Variants in SRL observed in about 807,000 individuals in gnomAD.
SRL encodes sarcalumenin.
Under a neutral mutation model 39.5 loss-of-function variants are expected in SRL, and 23 were observed. That is an observed-to-expected ratio of 0.58 (90% CI 0.42 to 0.82). The LOEUF is 0.82. SRL is among the 40% of genes least tolerant of loss of function. The probability of loss-of-function intolerance (pLI) is 0.00; values close to 1 mark genes in which losing one functional copy is unlikely to be tolerated. For synonymous variants in SRL, 272 were observed against 237.4 expected (o/e 1.15, Z -1.34); for missense variants, 592 against 607.8 (o/e 0.97, Z 0.27).
intron 4 of SRL, 35 bp from the exon 5 acceptor site, chr16:4,195,821 G>A (rs1185388720): frequency 1.3e-6 from 2 of 1,555,686 alleles, no homozygotes; most frequent in Admixed American, 1.8e-5. Flanking sequence ...AGGAATACAT[G>A]ATCTCTGTGA....
In SRL at chr16:4,192,143, G is replaced by T. The variant is rs1275500832; in HGVS notation, c.*10C>A. 8 of 1,533,772 alleles carry T rather than the reference G, an allele frequency of 5.2e-6. No homozygotes were observed. The highest frequency in any genetic ancestry group is 7.0e-6 in the Non-Finnish European group (8 of 1,144,470). On this transcript the variant is annotated 3_prime_UTR_variant, in exon 6 of 6. Coordinates refer to ENST00000399609, the MANE Select transcript of SRL (RefSeq NM_001098814.2). This position sits in a 1 kb window ranked among gnomAD's most constrained non-coding sequence, Gnocchi z 4.0. ...ATTCACCAACAGGAACCCAAGGACC[G>T]CTCCACCACCTAGTGCTTCCTGTAG... is the stretch of plus-strand genomic sequence containing the variant.
intron 1 of SRL, among the ~76,000 whole-genome samples, chr16:4,240,948 C>T (rs1374013728): frequency 1.3e-5 from 2 of 152,164 alleles, no homozygotes; most frequent in Non-Finnish European, 2.9e-5. Context: ...GGCTGGAGCC[C>T]CCCACCTTAC....
intron 5 of SRL, among the ~76,000 whole-genome samples, chr16:4,193,921 A>G (rs933465136): frequency 6.7e-6 from 1 of 149,886 alleles, no homozygotes; most frequent in African/African-American, 2.4e-5. Context: ...TCATTATACC[A>G]TAATAATATA....
chr16:4,220,649 C>T (rs905013636), intron 1 of SRL, among the ~76,000 whole-genome samples: 2 of 152,300 alleles, frequency 1.3e-5, no homozygotes, highest in South Asian at 2.1e-4. Context: ...GAGAAATCAT[C>T]ATTCAACCCA....
In SRL at chr16:4,192,768, G is replaced by A. The variant is rs374601375; in HGVS notation, c.807C>T (p.Tyr269=). The change falls in exon 6 of 6, where the codon TAC becomes TAT. Residue 269 remains tyrosine (Y), a synonymous_variant. Coordinates refer to ENST00000399609, the MANE Select transcript of SRL (RefSeq NM_001098814.2). This position sits in a 1 kb window ranked among gnomAD's most constrained non-coding sequence, Gnocchi z 4.0. ...NLATQMLMRV[Y]GALFWSLAPL... ...GGGCCAAGCTCCAGAAGAGGGCCCCGTAAACCCGCATGAGCATTTGGGTGG... is the reference window on the plus strand; with the variant it reads ...GGGCCAAGCTCCAGAAGAGGGCCCCATAAACCCGCATGAGCATTTGGGTGG... 59 of 1,614,038 alleles carry A rather than the reference G, an allele frequency of 3.7e-5. No homozygotes were observed. The highest frequency in any genetic ancestry group is 4.3e-5 in the Non-Finnish European group (51 of 1,180,050).
intron 1 of SRL, among the ~76,000 whole-genome samples, chr16:4,234,887 T>C (rs568174416): frequency 6.6e-6 from 1 of 152,328 alleles, no homozygotes; most frequent in South Asian, 2.1e-4. Flanking sequence ...TTTAGGAACT[T>C]TGGGTGAGAC....
Position 4,192,147 on chromosome 16 carries a change from C to A in SRL, c.*6G>T. 1 of 1,537,840 alleles carries A rather than the reference C, an allele frequency of 6.5e-7. No individual in the cohort carries two copies. Among genetic ancestry groups the A allele is most frequent in the South Asian group, 1.3e-5 (1 of 76,360 alleles). On this transcript the variant is annotated 3_prime_UTR_variant, in exon 6 of 6. Coordinates refer to ENST00000399609, the MANE Select transcript of SRL (RefSeq NM_001098814.2). This position sits in a 1 kb window ranked among gnomAD's most constrained non-coding sequence, Gnocchi z 4.0. ...ACCAACAGGAACCCAAGGACCGCTCCACCACCTAGTGCTTCCTGTAGCGAT... is the reference window on the plus strand; with the variant it reads ...ACCAACAGGAACCCAAGGACCGCTCAACCACCTAGTGCTTCCTGTAGCGAT...
intron 1 of SRL, among the ~76,000 whole-genome samples, chr16:4,217,223 A>G (rs1336073843): frequency 6.6e-6 from 1 of 151,924 alleles, no homozygotes; most frequent in Non-Finnish European, 1.5e-5. Context: ...ATGCACCTGG[A>G]AGTCAGGAAA....
intron 1 of SRL, among the ~76,000 whole-genome samples, chr16:4,219,311 G>C (rs1179518062): frequency 2.0e-5 from 3 of 152,220 alleles, no homozygotes; most frequent in Admixed American, 1.3e-4. Flanking sequence ...TCTAAGCTTT[G>C]GATGCTCACA....
rs550020202 is a variant in SRL at position 4,232,940 on chromosome 16, C to T, written c.61+9067G>A. ...GGGGGAGGCGGGGGCTCCCAAACCC[C>T]GGGACTCTCCCCTGAGCTCCCAGCA... is the stretch of plus-strand genomic sequence containing the variant. On this transcript the variant is annotated intron_variant, in intron 1 of 5. Coordinates refer to ENST00000399609, the MANE Select transcript of SRL (RefSeq NM_001098814.2). Among the ~76,000 whole-genome samples, 8 of 152,304 alleles carry T rather than the reference C, an allele frequency of 5.3e-5. No individual in the cohort carries two copies. The East Asian group carries it at 1.4e-3, about 26-fold the overall frequency.
chr16:4,226,534 G>C (rs562058457), intron 1 of SRL, among the ~76,000 whole-genome samples: 1 of 151,808 alleles, frequency 6.6e-6, no homozygotes, highest in Non-Finnish European at 1.5e-5. Context: ...TGGAGGGACA[G>C]ATGGATGGAC....
intron 1 of SRL, among the ~76,000 whole-genome samples, chr16:4,228,212 G>C (rs1474347410): frequency 8.3e-6 from 1 of 119,990 alleles, no homozygotes; most frequent in Non-Finnish European, 2.1e-5. Flanking sequence ...ACTGAGGCAG[G>C]TGGATCACGA....
chr16:4,223,231 C>CAAAAAAAA (rs34513855), intron 1 of SRL, among the ~76,000 whole-genome samples: 2 of 96,162 alleles, frequency 2.1e-5, no homozygotes, highest in Non-Finnish European at 2.2e-5. Flanking sequence ...AACTCTGTCT[C>CAAAAAAAA]AAAAAAAAAA....
At chr16:4,230,886 G>C (rs1344797627) in intron 1 of SRL, among the ~76,000 whole-genome samples, 1 of 152,160 alleles carries the variant, frequency 6.6e-6, no homozygotes, top group Non-Finnish European at 1.5e-5. Flanking sequence ...ACCACTCAAA[G>C]AATGCCAGGA....
intron 1 of SRL, among the ~76,000 whole-genome samples, chr16:4,237,342 C>G (rs2052724302): frequency 6.6e-6 from 1 of 152,116 alleles, no homozygotes; most frequent in African/African-American, 2.4e-5. Flanking sequence ...GTAAGGGCCC[C>G]CTCCCCTGGC....
intron 3 of SRL, among the ~76,000 whole-genome samples, chr16:4,198,659 G>A (rs879821734): frequency 2.0e-5 from 3 of 152,056 alleles, no homozygotes; most frequent in Non-Finnish European, 4.4e-5. Flanking sequence ...CGTTGCTCAG[G>A]CTGGTCTCAA....
intron 1 of SRL, among the ~76,000 whole-genome samples, chr16:4,223,412 C>T (rs1037506104): frequency 6.6e-6 from 1 of 151,864 alleles, no homozygotes; most frequent in African/African-American, 2.4e-5. Flanking sequence ...GAATCTTGCT[C>T]TGTCACTCCA....
At chr16:4,228,524 A>G (rs2052619957) in intron 1 of SRL, among the ~76,000 whole-genome samples, 2 of 152,098 alleles carry the variant, frequency 1.3e-5, no homozygotes, top group Non-Finnish European at 2.9e-5. Flanking sequence ...TCACTAGGTC[A>G]GGAGATCGAG....
Position 4,192,837 on chromosome 16 carries a change from A to T in SRL, c.738T>A (p.Arg246=), listed in dbSNP as rs757878631. The T allele has an allele frequency of 8.7e-6, 14 of 1,614,034 alleles. No individual in the cohort carries two copies. Among genetic ancestry groups the T allele is most frequent in the African/African-American group, 1.3e-5 (1 of 74,902 alleles). ...TCAGGATGATCCTTATCTGGGATTCACGCCCCTTCAACTGGCGGAAGAGCA... is the reference window on the plus strand; with the variant it reads ...TCAGGATGATCCTTATCTGGGATTCTCGCCCCTTCAACTGGCGGAAGAGCA... The part of the protein sequence containing the change: ...LEMLFRQLKG[R]ESQIRIILNK... Residue 246 remains arginine (R), a synonymous_variant, in exon 6 of 6, where the codon CGT becomes CGA. Transcript: ENST00000399609. This position sits in a 1 kb window ranked among gnomAD's most constrained non-coding sequence, Gnocchi z 4.0.
Sources: gnomAD v4.1 joint callset for allele counts (sites outside exome capture counted in the v4.1 genomes callset) on GRCh38, gnomAD v4.1.1 for gene constraint, Gnocchi (gnomAD v3.1) non-coding constraint, MANE v1.5 for transcripts, NCBI Gene and HGNC (gene_info 2026-07-23, HGNC 2026-07-21) for gene names.